Variants in ST7 observed in about 807,000 individuals in gnomAD.
The protein encoded by ST7 is suppression of tumorigenicity 7, also known as suppressor of tumorigenicity 7 protein.
Under a neutral mutation model 78.7 loss-of-function variants are expected in ST7, and 28 were observed. The ratio of observed to expected loss-of-function variants is 0.36; its 90% CI spans 0.26 to 0.49. The LOEUF is 0.49. Among genes scored for constraint, ST7 ranks in the 20% least tolerant of loss-of-function variants. The pLI, the probability that ST7 is intolerant of heterozygous loss-of-function variation, is 0.99. For synonymous variants in ST7, 247 were observed against 249.6 expected (o/e 0.99, Z 0.10); for missense variants, 418 against 696.0 (o/e 0.60, Z 4.49).
At chr7:117,013,257 A>G (rs969886480) in intron 1 of ST7, among the ~76,000 whole-genome samples, 2 of 152,238 alleles carry the variant, frequency 1.3e-5, no homozygotes, top group African/African-American at 4.8e-5. Flanking sequence ...CATAACATTA[A>G]TGTTCTAACC....
At chr7:117,085,320 G>A (rs1016003342) in intron 1 of ST7, among the ~76,000 whole-genome samples, 117 of 152,138 alleles carry the variant, frequency 7.7e-4, no homozygotes, top group African/African-American at 2.8e-3. Flanking sequence ...CATCATTTAT[G>A]TATCTGGTTT....
intron 9 of ST7, among the ~76,000 whole-genome samples, chr7:117,168,870 G>A (rs1807763809): frequency 6.6e-6 from 1 of 152,182 alleles, no homozygotes; most frequent in South Asian, 2.1e-4. Context: ...GCTTAGCAGT[G>A]AATTAGCCTG....
At chr7:117,199,660 C>T (rs1810633622) in intron 12 of ST7, among the ~76,000 whole-genome samples, 1 of 152,236 alleles carries the variant, frequency 6.6e-6, no homozygotes. Context: ...ATTCAGCTAG[C>T]ACTTATTGAG....
intron 12 of ST7, among the ~76,000 whole-genome samples, chr7:117,207,739 T>C (rs2115998946): frequency 6.6e-6 from 1 of 152,316 alleles, no homozygotes; most frequent in East Asian, 1.9e-4. Flanking sequence ...CTTTAAAAAT[T>C]GACTATTTGA....
At chr7:117,024,196 A>G (rs1490988596) in intron 1 of ST7, among the ~76,000 whole-genome samples, 1 of 152,174 alleles carries the variant, frequency 6.6e-6, no homozygotes, top group Non-Finnish European at 1.5e-5. Flanking sequence ...TAAGAGGAGA[A>G]AATATTTTTA....
At chr7:117,054,583 T>A (rs1797967986) in intron 1 of ST7, among the ~76,000 whole-genome samples, 1 of 152,232 alleles carries the variant, frequency 6.6e-6, no homozygotes, top group South Asian at 2.1e-4. Context: ...GTTAGGCCAT[T>A]CCTTTATCAC....
At chr7:117,172,180 T>C (rs1808047956) in intron 10 of ST7, among the ~76,000 whole-genome samples, 1 of 152,162 alleles carries the variant, frequency 6.6e-6, no homozygotes, top group Non-Finnish European at 1.5e-5. Context: ...CTCAAACTCC[T>C]GTGAACTTCC....
intron 13 of ST7, among the ~76,000 whole-genome samples, chr7:117,213,915 C>G (rs960408471): frequency 2.0e-5 from 3 of 152,158 alleles, no homozygotes; most frequent in Admixed American, 2.0e-4. Context: ...ATGAGTTGAA[C>G]ATAAAAAACA....
At chr7:116,974,115 A>G (rs1384414656) in intron 1 of ST7, among the ~76,000 whole-genome samples, 1 of 152,174 alleles carries the variant, frequency 6.6e-6, no homozygotes, top group African/African-American at 2.4e-5. Flanking sequence ...CAAAGGATGT[A>G]TGATGACCTG....
intron 1 of ST7, among the ~76,000 whole-genome samples, chr7:117,049,642 T>G (rs1323331622): frequency 6.6e-6 from 1 of 152,210 alleles, no homozygotes; most frequent in Non-Finnish European, 1.5e-5. Flanking sequence ...GTGCATGTGT[T>G]TTGTGTCTGC....
intron 9 of ST7, among the ~76,000 whole-genome samples, chr7:117,157,167 G>A (rs1447801118): frequency 1.3e-5 from 2 of 152,152 alleles, no homozygotes; most frequent in African/African-American, 4.8e-5. Flanking sequence ...AAACATGATG[G>A]CATGAGCTTC....
In ST7 at chr7:117,177,959, G is replaced by A. The variant is rs567353929; in HGVS notation, c.1078+6983G>A. Among the ~76,000 whole-genome samples the A allele has an allele frequency of 7.9e-5, 12 of 152,264 alleles. No individual in the cohort carries two copies. The South Asian group carries it at 1.7e-3, about 21-fold the overall frequency. ...ACATCACAATCCACAAACAGGTTAC[G>A]AAGGAGAAATGGACTGCTTTTTAAA... On this transcript the variant is annotated intron_variant, in intron 10 of 15. Coordinates refer to ENST00000323984, the MANE Select transcript of ST7 (RefSeq NM_001369598.1).
intron 9 of ST7, among the ~76,000 whole-genome samples, chr7:117,152,100 C>T (rs758768763): frequency 9.2e-5 from 13 of 141,656 alleles, no homozygotes; most frequent in Non-Finnish European, 2.0e-4. Flanking sequence ...GCCTGGGTGA[C>T]AGAGTGAGAC....
At chr7:117,179,081 C>A (rs38867) in intron 10 of ST7, among the ~76,000 whole-genome samples, 5 of 152,008 alleles carry the variant, frequency 3.3e-5, no homozygotes, top group Non-Finnish European at 7.4e-5. Flanking sequence ...AAATAGACAT[C>A]GAGATTAGAG....
chr7:116,955,105 C>A (rs568667089), intron 1 of ST7: 2 of 471,080 alleles, frequency 4.2e-6, no homozygotes, highest in Non-Finnish European at 8.8e-6. Flanking sequence ...CGCTTTTCAT[C>A]TTTTTGGATG....
chr7:117,045,397 A>G (rs1797442269), intron 1 of ST7, among the ~76,000 whole-genome samples: 1 of 151,986 alleles, frequency 6.6e-6, no homozygotes, highest in Non-Finnish European at 1.5e-5. Flanking sequence ...CCTTGGATAC[A>G]CCAGGTACAC....
intron 2 of ST7, among the ~76,000 whole-genome samples, chr7:117,109,255 T>G (rs987709473): frequency 9.2e-5 from 14 of 152,166 alleles, no homozygotes; most frequent in African/African-American, 3.4e-4. Context: ...TTTTATTACC[T>G]TAAGTATGTC....
chr7:117,086,537 A>G (rs951663587), intron 1 of ST7, among the ~76,000 whole-genome samples: 4 of 152,208 alleles, frequency 2.6e-5, no homozygotes, highest in Non-Finnish European at 4.4e-5. Flanking sequence ...ACTATTTGAG[A>G]TAATAAGAAT....
chr7:117,070,903 TTA>T (rs1798910092), intron 1 of ST7, among the ~76,000 whole-genome samples: 2 of 152,114 alleles, frequency 1.3e-5, no homozygotes, highest in Admixed American at 1.3e-4. Flanking sequence ...ATGGTAAATT[TTA>T]TGTTATGTGC....
Sources: gnomAD v4.1 joint callset for allele counts (sites outside exome capture counted in the v4.1 genomes callset) on GRCh38, gnomAD v4.1.1 for gene constraint, MANE v1.5 for transcripts, NCBI Gene and HGNC (gene_info 2026-07-23, HGNC 2026-07-21) for gene names.